The following TLL2 variants were observed in gnomAD, a reference collection of about 807,000 sequenced individuals.
TLL2 encodes tolloid like 2, also known as tolloid-like protein 2.
Under a neutral mutation model 123.0 loss-of-function variants are expected in TLL2, and 106 were observed. The observed-to-expected ratio is 0.86, with a 90% CI of 0.74 to 1.01. The LOEUF (loss-of-function observed/expected upper bound fraction) is 1.01. Ranked by LOEUF, TLL2 falls within the 50% of genes least tolerant of loss-of-function variation. The pLI, the probability that TLL2 is intolerant of heterozygous loss-of-function variation, is 0.00. For synonymous variants in TLL2, 494 were observed against 516.8 expected, an observed-to-expected ratio of 0.96 and a Z score of 0.60; for missense variants, 1,332 against 1,336.7, an observed-to-expected ratio of 1.00 and a Z score of 0.06.
chr10:96,376,814 A>C lies in TLL2; in HGVS notation c.2326T>G (p.Cys776Gly), dbSNP rs1451093893. ...ENGHDCKEAGCAHKISSVEGT... is the reference protein window; with the variant it reads ...ENGHDCKEAGGAHKISSVEGT... The stretch of plus-strand genomic sequence containing the variant: ...TCCACACTGCTGATCTTGTGTGCAC[A>C]GCCAGCTGGGGGTGGCAGGGGGACA... The change falls in exon 18 of 21, where the codon TGT becomes GGT. Residue 776 changes from cysteine (C) to glycine (G), a missense_variant. Coordinates refer to ENST00000357947, the MANE Select transcript of TLL2 (RefSeq NM_012465.4). 2 of 1,533,336 alleles carry C rather than the reference A, an allele frequency of 1.3e-6. No homozygotes were observed. Among genetic ancestry groups the C allele is most frequent in the Non-Finnish European group, 8.7e-7 (1 of 1,143,806 alleles). 95.0% of individuals were successfully genotyped at this position (1,533,336 alleles called of 1,614,324 possible).
intron 20 of TLL2, among the ~76,000 whole-genome samples, chr10:96,369,388 G>A (rs947210365): frequency 1.3e-5 from 2 of 152,226 alleles, no homozygotes; most frequent in African/African-American, 4.8e-5. Flanking sequence ...ATTTGGTTTT[G>A]CTTGAGGAGA....
At chr10:96,506,263 AAAGAAAAAAAAAAAAG>A (rs1847577830) in intron 1 of TLL2, among the ~76,000 whole-genome samples, 1 of 114,508 alleles carries the variant, frequency 8.7e-6, no homozygotes, top group East Asian at 2.2e-4. Context: ...AAAAAAAAAA[AAAGAAAAAAAAAAAAG>A]AAAAAAGGAA....
intron 5 of TLL2, among the ~76,000 whole-genome samples, chr10:96,424,270 CAAT>C (rs778625337): frequency 3.2e-4 from 49 of 151,996 alleles, no homozygotes; most frequent in Admixed American, 4.6e-4. Flanking sequence ...TGACTATAGT[CAAT>C]AATAAGTCAA....
Position 96,384,778 on chromosome 10 carries a change from G to A in TLL2, c.2014-11C>T, listed in dbSNP as rs1846217543. On this transcript the variant is annotated splice_polypyrimidine_tract_variant and intron_variant, in intron 15 of 20. Transcript: ENST00000357947. The stretch of plus-strand genomic sequence containing the variant: ...GTCGTACTTACAGACCTGCAAGGGA[G>A]CATGATGGGGAGCTTCCCAGAGTCC... 2.6e-6 allele frequency: 4 copies of A among 1,562,718 alleles called. No individual in the cohort carries two copies. The Admixed American group carries it at 5.3e-5, about 21-fold the overall frequency.
chr10:96,460,112 G>C (rs1460098380), intron 2 of TLL2, among the ~76,000 whole-genome samples: 4 of 152,032 alleles, frequency 2.6e-5, no homozygotes, highest in Non-Finnish European at 5.9e-5. Context: ...TATGTGTTGA[G>C]TAATTCCCCA....
chr10:96,428,673 G>C lies in TLL2; in HGVS notation c.596C>G (p.Thr199Arg), dbSNP rs566307721. Residue 199 changes from threonine to arginine, a missense_variant, in exon 5 of 21, where the codon ACG becomes AGG. Transcript: ENST00000357947. ...KHTCVTFIER[T>R]DEESFIVFSY... Reference sequence around the variant, plus strand: ...GAATACAATAAAGCTTTCCTCATCCGTCCTTTCTATGAAGGTCACACAGGT... The same window carrying C: ...GAATACAATAAAGCTTTCCTCATCCCTCCTTTCTATGAAGGTCACACAGGT... 6.2e-7 allele frequency: 1 copy of C among 1,613,956 alleles called. No individual in the cohort carries two copies. The highest frequency in any genetic ancestry group is 1.1e-5 in the South Asian group (1 of 91,042).
At chr10:96,502,846 T>C (rs1847547620) in intron 1 of TLL2, among the ~76,000 whole-genome samples, 1 of 152,066 alleles carries the variant, frequency 6.6e-6, no homozygotes, top group African/African-American at 2.4e-5. Context: ...AGACAGAAGA[T>C]AAGTGGCCCA....
chr10:96,459,669 CAAAAAAAAAAAAAAAAAAAAA>C (rs1165594084), intron 2 of TLL2, among the ~76,000 whole-genome samples: 2 of 24,446 alleles, frequency 8.2e-5, no homozygotes, highest in Admixed American at 7.8e-4. Context: ...GATCCTGTTT[CAAAAAAAAAAAAAAAAAAAAA>C]AAAAAAAAAA....
At chr10:96,501,795 C>T (rs762025109) in intron 1 of TLL2, among the ~76,000 whole-genome samples, 12 of 152,238 alleles carry the variant, frequency 7.9e-5, no homozygotes, top group Non-Finnish European at 1.8e-4. Context: ...GAGTTGACTG[C>T]TACCCTTTCT....
chr10:96,386,853 C>T (rs1023281957), intron 14 of TLL2, 100 bp downstream of exon 14: 7 of 1,544,820 alleles, frequency 4.5e-6, no homozygotes, highest in Middle Eastern at 1.7e-4. Context: ...CATTGCCCAT[C>T]GTTCCTACAC....
In TLL2 at chr10:96,379,032, C is replaced by G. The variant is rs755818178; in HGVS notation, c.2255G>C (p.Gly752Ala). 13 of 1,614,088 alleles carry G rather than the reference C, an allele frequency of 8.1e-6. No homozygotes were observed. The highest frequency in any genetic ancestry group is 4.2e-6 in the Non-Finnish European group (5 of 1,180,048). Residue 752 changes from glycine to alanine, a missense_variant, in exon 17 of 21, where the codon GGG becomes GCG. Physicochemically the swap from Gly to Ala is moderately conservative, Grantham distance 60. Transcript: ENST00000357947. ...GCQHECVNTF[G>A]SYLCRCRNGY... Reference sequence around the variant, plus strand: ...GTTTCTGCACCTGCACAGGTAGCTCCCGAAGGTGTTGACGCACTCATGCTG... The same window carrying G: ...GTTTCTGCACCTGCACAGGTAGCTCGCGAAGGTGTTGACGCACTCATGCTG...
At chr10:96,401,545 G>A (rs1846395798) in intron 10 of TLL2, among the ~76,000 whole-genome samples, 1 of 150,840 alleles carries the variant, frequency 6.6e-6, no homozygotes, top group African/African-American at 2.4e-5. Flanking sequence ...CAGTTAAAGT[G>A]GGTAAAATAT....
chr10:96,512,315 T>C (rs1276725425), intron 1 of TLL2, among the ~76,000 whole-genome samples: 1 of 152,212 alleles, frequency 6.6e-6, no homozygotes, highest in African/African-American at 2.4e-5. Context: ...GACAATGCCA[T>C]CATTTCACTT....
chr10:96,454,672 T>C (rs536904656), intron 2 of TLL2, among the ~76,000 whole-genome samples: 2 of 152,308 alleles, frequency 1.3e-5, no homozygotes, highest in African/African-American at 4.8e-5. Context: ...TTATTTATTG[T>C]TGTATATCAA....
chr10:96,435,347 T>C lies in TLL2; in HGVS notation c.365-2385A>G, dbSNP rs1846786699. ...TTATTGTTGTGTTATAATTAGTCTTTATATATTCTAAATACCAGGCTCTTG... is the reference window on the plus strand; with the variant it reads ...TTATTGTTGTGTTATAATTAGTCTTCATATATTCTAAATACCAGGCTCTTG... On this transcript the variant is annotated intron_variant, in intron 3 of 20. Coordinates refer to ENST00000357947, the MANE Select transcript of TLL2 (RefSeq NM_012465.4). Among the ~76,000 whole-genome samples, 3 of 152,330 alleles carry C rather than the reference T, an allele frequency of 2.0e-5. No homozygotes were observed. In the South Asian group the frequency reaches 6.2e-4, roughly 32 times the overall value.
Position 96,471,915 on chromosome 10 carries a change from T to TGC in TLL2, c.286+8433_286+8434insGC, listed in dbSNP as rs146878086. 5.0e-3 allele frequency among the ~76,000 whole-genome samples: 764 copies of TGC among 152,150 alleles called. 29 individuals carry two copies. The East Asian group carries it at 0.095, about 19-fold the overall frequency. On this transcript the variant is annotated intron_variant, in intron 2 of 20. Transcript: ENST00000357947. Reference sequence around the variant, plus strand: ...TTGTGTGTGTGTCTGTGTGCGTGCGTGTGTGTGTGTACCTACGAGAAGGTT... The same window carrying TGC: ...TTGTGTGTGTGTCTGTGTGCGTGCGTGCGTGTGTGTGTACCTACGAGAAGGTT...
At chr10:96,421,582 T>A (rs1370699558) in intron 6 of TLL2, among the ~76,000 whole-genome samples, 1 of 151,434 alleles carries the variant, frequency 6.6e-6, no homozygotes, top group Non-Finnish European at 1.5e-5. Context: ...GAGAATGGTG[T>A]GAACCCGGGA....
intron 5 of TLL2, among the ~76,000 whole-genome samples, chr10:96,422,966 G>C (rs1846640690): frequency 6.6e-6 from 1 of 151,928 alleles, no homozygotes; most frequent in Non-Finnish European, 1.5e-5. Flanking sequence ...TGTCTCTACT[G>C]AAAATATAAA....
At position 96,395,368 on chromosome 10, in the gene TLL2, G is replaced by A; in HGVS notation, c.1545C>T (p.Asp515=). 6 of 1,592,900 alleles carry A rather than the reference G, an allele frequency of 3.8e-6. No homozygotes were observed. Among genetic ancestry groups the A allele is most frequent in the Non-Finnish European group, 5.1e-6 (6 of 1,169,614 alleles). The change falls in exon 13 of 21, where the codon GAC becomes GAT. Residue 515 remains aspartate, a synonymous_variant. Coordinates refer to ENST00000357947, the MANE Select transcript of TLL2 (RefSeq NM_012465.4). ...TFQAFEIERH[D]SCAYDYLEVR... is the part of the protein sequence containing the mutation. ...CTTCCAGGTAGTCATATGCACAGCT[G>A]TCGTGCCTTTCAATCTAAAGGAAGA...
Sources: gnomAD v4.1 joint callset for allele counts (sites outside exome capture counted in the v4.1 genomes callset) on GRCh38, gnomAD v4.1.1 for gene constraint, MANE v1.5 for transcripts, NCBI Gene and HGNC (gene_info 2026-07-23, HGNC 2026-07-21) for gene names.